TMEM8B: variants seen among roughly 807,000 people sequenced by gnomAD.
TMEM8B encodes transmembrane protein 8B.
TMEM8B carries 29 observed loss-of-function variants against 49.3 expected under a neutral mutation model. That is an observed-to-expected ratio of 0.59 (90% CI 0.44 to 0.80). The LOEUF (loss-of-function observed/expected upper bound fraction) is 0.80, where lower values mean the gene tolerates loss of function less well. TMEM8B is among the 30% of genes least tolerant of loss of function. The pLI is 0.00. For synonymous variants in TMEM8B, 264 were observed against 272.8 expected, an observed-to-expected ratio of 0.97 and a Z score of 0.32; for missense variants, 575 against 658.5, an observed-to-expected ratio of 0.87 and a Z score of 1.39.
Position 35,856,917 on chromosome 9 carries a change from C to T in TMEM8B, c.*3077C>T, listed in dbSNP as rs1014915627. 2 of 152,122 alleles carry T rather than the reference C, an allele frequency of 1.3e-5. No homozygotes were observed. The highest frequency in any genetic ancestry group is 2.4e-5 in the African/African-American group (1 of 41,404). 9.4% of individuals were successfully genotyped at this position (152,122 alleles called of 1,614,324 possible). On this transcript the variant is annotated 3_prime_UTR_variant, in exon 13 of 13. Transcript: ENST00000643932. ...GGGCCAGCAATATGACAGTGCTGGA[C>T]GTAGCCGCTGAACCAGGCCTGTCTC...
At chr9:35,851,589 C>A (rs565512360) in intron 10 of TMEM8B, among the ~76,000 whole-genome samples, 1 of 152,334 alleles carries the variant, frequency 6.6e-6, no homozygotes, top group East Asian at 1.9e-4. Flanking sequence ...GCCTGGAACA[C>A]CCACTTAAAA....
rs1832543548 is a variant in TMEM8B at position 35,856,250 on chromosome 9, G to T, written c.*2410G>T. 1 of 152,232 alleles carries T rather than the reference G, an allele frequency of 6.6e-6. No homozygotes were observed. 9.4% of individuals were successfully genotyped at this position (152,232 alleles called of 1,614,324 possible). On this transcript the variant is annotated 3_prime_UTR_variant, in exon 13 of 13. Transcript: ENST00000643932. ...TCTTAGAACACTTGTATAGTGCCTAGTCTGGTATGTGATGTGGTCCAATAT... is the reference window on the plus strand; with the variant it reads ...TCTTAGAACACTTGTATAGTGCCTATTCTGGTATGTGATGTGGTCCAATAT...
Position 35,841,545 on chromosome 9 carries a change from A to T in TMEM8B, c.1060A>T (p.Thr354Ser). The change falls in exon 5 of 13, where the codon ACT becomes TCT. Residue 354 changes from threonine (T) to serine (S), a missense_variant. Thr to Ser is a moderately conservative substitution (Grantham distance 58). Transcript: ENST00000643932. The surrounding 1 kb of genome is among the most constrained non-coding windows in gnomAD (Gnocchi z 5.9). The stretch of plus-strand genomic sequence containing the variant: ...GCCCAGGGTCTTTGTGCCCAGCTTC[A>T]CTTACAGGGTTTCAGCACAGCTGGT... ...ALYKVFVPSFTYRVSAQLVCV... is the reference protein window; with the variant it reads ...ALYKVFVPSFSYRVSAQLVCV... 2.4e-6 allele frequency: 1 copy of T among 416,454 alleles called. No individual in the cohort carries two copies. The highest frequency in any genetic ancestry group is 3.1e-4 in the Middle Eastern group (1 of 3,230). 25.8% of individuals were successfully genotyped at this position (416,454 alleles called of 1,614,324 possible).
rs1329696209 is a variant in TMEM8B at position 35,857,272 on chromosome 9, G to T, written c.*3432G>T. Reference sequence around the variant, plus strand: ...GACCCGACTGAATCCTGCCCTGAAGGAGCTCACACGGTGGTGAAGTGTCAT... The same window carrying T: ...GACCCGACTGAATCCTGCCCTGAAGTAGCTCACACGGTGGTGAAGTGTCAT... On this transcript the variant is annotated 3_prime_UTR_variant, in exon 13 of 13. Coordinates refer to ENST00000643932, the MANE Select transcript of TMEM8B (RefSeq NM_001042590.4). The T allele has an allele frequency of 6.6e-6, 1 of 152,284 alleles. No individual in the cohort carries two copies. Among genetic ancestry groups the T allele is most frequent in the Non-Finnish European group, 1.5e-5 (1 of 68,092 alleles). 9.4% of individuals were successfully genotyped at this position (152,284 alleles called of 1,614,324 possible). A position where few individuals can be genotyped will look rare whatever the true frequency, so the allele number is the denominator to read the frequency against.
intron 3 of TMEM8B, among the ~76,000 whole-genome samples, chr9:35,836,765 T>C (rs1210339357): frequency 6.6e-6 from 1 of 152,138 alleles, no homozygotes; most frequent in Non-Finnish European, 1.5e-5. Flanking sequence ...CTGGGGAACT[T>C]GGTACCAAAC....
chr9:35,853,872 T>C lies in TMEM8B; in HGVS notation c.*32T>C. The C allele has an allele frequency of 6.6e-7, 1 of 1,510,078 alleles. No homozygotes were observed. The highest frequency in any genetic ancestry group is 8.8e-7 in the Non-Finnish European group (1 of 1,135,316). The allele number at this position is 1,510,078 out of a possible 1,614,324, so 93.5% of individuals were successfully genotyped here. A position where few individuals can be genotyped will look rare whatever the true frequency, so the allele number is the denominator to read the frequency against. On this transcript the variant is annotated 3_prime_UTR_variant, in exon 13 of 13. Coordinates refer to ENST00000643932, the MANE Select transcript of TMEM8B (RefSeq NM_001042590.4). This position sits in a 1 kb window ranked among gnomAD's most constrained non-coding sequence, Gnocchi z 4.2. ...CTTTGGGCCTGGCCCTGAGGGGATA[T>C]GAATGCTTCCTAGAGTTCTTTCTGG... is the stretch of plus-strand genomic sequence containing the variant.
chr9:35,835,957 G>A (rs1830407972), intron 3 of TMEM8B, among the ~76,000 whole-genome samples: 1 of 152,224 alleles, frequency 6.6e-6, no homozygotes, highest in South Asian at 2.1e-4. Flanking sequence ...TCCTATTCCT[G>A]TTCACTGGAG....
At chr9:35,844,688 C>T (rs1190494354) in intron 6 of TMEM8B, among the ~76,000 whole-genome samples, 1 of 152,252 alleles carries the variant, frequency 6.6e-6, no homozygotes. Context: ...AAACCGTAGA[C>T]CCTGAATTAG....
At chr9:35,835,854 G>C (rs1044287813) in intron 3 of TMEM8B, among the ~76,000 whole-genome samples, 2 of 152,224 alleles carry the variant, frequency 1.3e-5, no homozygotes, top group Non-Finnish European at 2.9e-5. Flanking sequence ...AGACTGAAGG[G>C]CAGGTTCAAA....
chr9:35,833,516 T>G (rs1387525024), intron 1 of TMEM8B, among the ~76,000 whole-genome samples: 3 of 150,698 alleles, frequency 2.0e-5, no homozygotes, highest in Non-Finnish European at 4.4e-5. Flanking sequence ...CTGACACAAC[T>G]TCTGCTCACC....
chr9:35,834,127 G>A (rs1018321693), intron 1 of TMEM8B, among the ~76,000 whole-genome samples: 1 of 151,912 alleles, frequency 6.6e-6, no homozygotes, highest in Non-Finnish European at 1.5e-5. Flanking sequence ...GCTCCTAAGT[G>A]AGGAGGCAGC....
intron 10 of TMEM8B, among the ~76,000 whole-genome samples, chr9:35,847,841 G>A (rs1221331089): frequency 6.6e-6 from 1 of 152,152 alleles, no homozygotes; most frequent in Non-Finnish European, 1.5e-5. Context: ...AAACTATAAG[G>A]AAAGGTAGAG....
chr9:35,853,318 G>A lies in TMEM8B; in HGVS notation c.2439+61G>A, dbSNP rs1360029366. ...GCAGGACTTGGGTGCTGGGCCCCAG[G>A]TATCTGGTCCCCAGTTTAAGGTGGG... On this transcript the variant is annotated intron_variant, in intron 12 of 12. Transcript: ENST00000643932. The surrounding 1 kb of genome is among the most constrained non-coding windows in gnomAD (Gnocchi z 4.2). 3 of 1,493,338 alleles carry A rather than the reference G, an allele frequency of 2.0e-6. No individual in the cohort carries two copies. Among genetic ancestry groups the A allele is most frequent in the African/African-American group, 1.4e-5 (1 of 72,374 alleles). The allele number at this position is 1,493,338 out of a possible 1,614,324, so 92.5% of individuals were successfully genotyped here.
intron 9 of TMEM8B, 31 bp downstream of exon 9, chr9:35,846,642 G>T: frequency 6.4e-7 from 1 of 1,571,272 alleles, no homozygotes. Flanking sequence ...GCGGGCTGCG[G>T]TGGACTGGAG....
chr9:35,852,867 G>C lies in TMEM8B; in HGVS notation c.2216G>C (p.Cys739Ser). The C allele has an allele frequency of 6.2e-7, 1 of 1,614,156 alleles. No homozygotes were observed. Among genetic ancestry groups the C allele is most frequent in the Non-Finnish European group, 8.5e-7 (1 of 1,180,026 alleles). The change falls in exon 11 of 13, where the codon TGC becomes TCC. Residue 739 changes from cysteine (C) to serine (S), a missense_variant. Cys to Ser is a moderately radical substitution (Grantham distance 112, BLOSUM62 -1). Transcript: ENST00000643932. Reference protein sequence around the residue: ...ACDQPGIVVFCIMDYDVLQFC... With the variant: ...ACDQPGIVVFSIMDYDVLQFC... Reference sequence around the variant, plus strand: ...GACCAGCCAGGCATCGTGGTTTTCTGCATCATGGACTACGATGTGCTGCAG... The same window carrying C: ...GACCAGCCAGGCATCGTGGTTTTCTCCATCATGGACTACGATGTGCTGCAG...
chr9:35,853,740 G>C lies in TMEM8B; in HGVS notation c.2675G>C (p.Arg892Pro), dbSNP rs761007837. ...KTDHGVPSGA[R>P]ARGCGYQLCI... ...GACCACGGGGTCCCATCTGGAGCCC[G>C]GGCCCGGGGCTGTGGTTACCAGCTA... Residue 892 changes from arginine (R) to proline (P), a missense_variant, in exon 13 of 13, where the codon CGG becomes CCG. By Grantham distance (103) the Arg-to-Pro change is moderately radical. Coordinates refer to ENST00000643932, the MANE Select transcript of TMEM8B (RefSeq NM_001042590.4). This position sits in a 1 kb window ranked among gnomAD's most constrained non-coding sequence, Gnocchi z 4.2. 3 of 1,613,140 alleles carry C rather than the reference G, an allele frequency of 1.9e-6. No individual in the cohort carries two copies. Among genetic ancestry groups the C allele is most frequent in the African/African-American group, 2.7e-5 (2 of 74,926 alleles).
Position 35,846,081 on chromosome 9 carries a change from A to ATGGGGGAGGAGAGGAAGCTGCAGTG in TMEM8B, c.1729+20_1729+44dup. 3 of 1,586,956 alleles carry ATGGGGGAGGAGAGGAAGCTGCAGTG rather than the reference A, an allele frequency of 1.9e-6. No individual in the cohort carries two copies. The highest frequency in any genetic ancestry group is 1.7e-6 in the Non-Finnish European group (2 of 1,164,144). ...ACCTGTTCCAAAGGTGAGGTGAGGA[A>ATGGGGGAGGAGAGGAAGCTGCAGTG]TGGGGGAGGAGAGGAAGCTGCAGTG... On this transcript the variant is annotated intron_variant, in intron 7 of 12. Coordinates refer to ENST00000643932, the MANE Select transcript of TMEM8B (RefSeq NM_001042590.4).
Position 35,846,392 on chromosome 9 carries a change from C to T in TMEM8B, c.1853+11C>T. The T allele has an allele frequency of 1.9e-6, 3 of 1,608,772 alleles. No individual in the cohort carries two copies. The highest frequency in any genetic ancestry group is 1.1e-5 in the South Asian group (1 of 90,760). ...CGGGGTGGGGCCTCGGTGAGCGGTG[C>T]GGGGCGGGGCCAGGGCTGGGACCGG... On this transcript the variant is annotated intron_variant, in intron 8 of 12. Transcript: ENST00000643932.
At chr9:35,838,470 CA>C (rs1375896326) in intron 3 of TMEM8B, among the ~76,000 whole-genome samples, 1 of 151,970 alleles carries the variant, frequency 6.6e-6, no homozygotes, top group African/African-American at 2.4e-5. Context: ...GGTCCTCGAA[CA>C]ATTCCTTTTT....
Sources: gnomAD v4.1 joint callset for allele counts (sites outside exome capture counted in the v4.1 genomes callset) on GRCh38, gnomAD v4.1.1 for gene constraint, Gnocchi (gnomAD v3.1) non-coding constraint, MANE v1.5 for transcripts, NCBI Gene and HGNC (gene_info 2026-07-23, HGNC 2026-07-21) for gene names.